The following SUGCT variants were observed in gnomAD, a reference collection of about 807,000 sequenced individuals.
The protein encoded by SUGCT is succinyl-CoA:glutarate CoA-transferase.
SUGCT carries 41 observed loss-of-function variants against 55.0 expected under a neutral mutation model. That is an observed-to-expected ratio of 0.74 (90% CI 0.58 to 0.97). The LOEUF is 0.97. Ranked by LOEUF, SUGCT falls within the 50% of genes least tolerant of loss-of-function variation. The probability of loss-of-function intolerance (pLI) is 0.00; values close to 1 mark genes in which losing one functional copy is unlikely to be tolerated. For synonymous variants in SUGCT, 187 were observed against 200.4 expected (o/e 0.93, Z 0.56); for missense variants, 568 against 547.8 (o/e 1.04, Z -0.37).
At chr7:40,646,503 A>G (rs1390796020) in intron 12 of SUGCT, among the ~76,000 whole-genome samples, 1 of 152,044 alleles carries the variant, frequency 6.6e-6, no homozygotes, top group African/African-American at 2.4e-5. Context: ...CTGTTTAGCT[A>G]ACTCATATCT....
intron 9 of SUGCT, among the ~76,000 whole-genome samples, chr7:40,317,903 T>G (rs1795525416): frequency 6.6e-6 from 1 of 152,342 alleles, no homozygotes; most frequent in South Asian, 2.1e-4. Context: ...TAGCACTGCT[T>G]TTCAACACAT....
At chr7:40,237,130 G>C (rs1315566905) in intron 6 of SUGCT, among the ~76,000 whole-genome samples, 1 of 150,788 alleles carries the variant, frequency 6.6e-6, no homozygotes, top group African/African-American at 2.4e-5. Flanking sequence ...ACCGCACCCG[G>C]CCTGAGTTTT....
At chr7:40,578,891 G>T (rs969389615) in intron 12 of SUGCT, among the ~76,000 whole-genome samples, 2 of 152,132 alleles carry the variant, frequency 1.3e-5, no homozygotes, top group African/African-American at 4.8e-5. Flanking sequence ...TTCCCAAATA[G>T]AATGTGAACT....
At chr7:40,480,542 T>G (rs1790971682) in intron 11 of SUGCT, among the ~76,000 whole-genome samples, 1 of 152,176 alleles carries the variant, frequency 6.6e-6, no homozygotes, top group Admixed American at 6.6e-5. Context: ...TTTTTCTATT[T>G]CTGTAAAGAA....
At chr7:40,944,253 T>G in the SUGCT span, among the ~76,000 whole-genome samples, 5 of 152,000 alleles carry the variant, frequency 3.3e-5, no homozygotes, top group Non-Finnish European at 7.4e-5. Flanking sequence ...TGATGGTAGT[T>G]TCTTTTGCTG....
chr7:40,763,342 T>G (rs576133773), intron 13 of SUGCT, among the ~76,000 whole-genome samples: 1 of 152,234 alleles, frequency 6.6e-6, no homozygotes, highest in East Asian at 1.9e-4. Context: ...GAGCCTCAGA[T>G]AAATTAAATA....
the SUGCT span, among the ~76,000 whole-genome samples, chr7:40,874,722 A>G: frequency 2.0e-5 from 3 of 152,120 alleles, no homozygotes; most frequent in African/African-American, 4.8e-5. Flanking sequence ...GAATCCTAAG[A>G]GTTGTATTGG....
At chr7:40,443,860 A>G (rs1045535911) in intron 9 of SUGCT, among the ~76,000 whole-genome samples, 8 of 152,132 alleles carry the variant, frequency 5.3e-5, no homozygotes, top group African/African-American at 1.9e-4. Flanking sequence ...TTTTAGGTCT[A>G]ACATTTAAGT....
chr7:40,272,109 A>G (rs1562633413), intron 7 of SUGCT, among the ~76,000 whole-genome samples: 3 of 124,264 alleles, frequency 2.4e-5, no homozygotes, highest in African/African-American at 1.0e-4. Flanking sequence ...ATATATATAT[A>G]TATGGATGTT....
chr7:40,910,361 TAA>T, the SUGCT span, among the ~76,000 whole-genome samples: 1 of 152,172 alleles, frequency 6.6e-6, no homozygotes, highest in Non-Finnish European at 1.5e-5. Flanking sequence ...GCAAGAATTA[TAA>T]ACTTAGGTTG....
At chr7:40,312,732 A>G (rs1795228362) in intron 8 of SUGCT, among the ~76,000 whole-genome samples, 2 of 152,180 alleles carry the variant, frequency 1.3e-5, no homozygotes, top group African/African-American at 4.8e-5. Context: ...AATGGAAAAG[A>G]TGATGTTGAA....
At chr7:40,685,684 TG>T (rs2151892113) in intron 12 of SUGCT, among the ~76,000 whole-genome samples, 1 of 152,300 alleles carries the variant, frequency 6.6e-6, no homozygotes, top group Non-Finnish European at 1.5e-5. Context: ...CTCAGTAATA[TG>T]TTTTAGTGTA....
rs1193893596 is a variant in SUGCT at position 40,459,114 on chromosome 7, C to T, written c.902C>T (p.Pro301Leu). 6.2e-7 allele frequency: 1 copy of T among 1,609,856 alleles called. No individual in the cohort carries two copies. The highest frequency in any genetic ancestry group is 8.5e-7 in the Non-Finnish European group (1 of 1,177,324). ...FATVCKILDLPELIDNSKYKT... is the reference protein window; with the variant it reads ...FATVCKILDLLELIDNSKYKT... Reference sequence around the variant, plus strand: ...TTTTTCTTTTAGATCTTGGATTTGCCTGAGTTGATTGATAATTCCAAGTAT... The same window carrying T: ...TTTTTCTTTTAGATCTTGGATTTGCTTGAGTTGATTGATAATTCCAAGTAT... Residue 301 changes from proline (P) to leucine (L), a missense_variant, in exon 11 of 14, where the codon CCT becomes CTT. Pro to Leu is a moderately conservative substitution (Grantham distance 98). Coordinates refer to ENST00000335693, the MANE Select transcript of SUGCT (RefSeq NM_001193313.2).
intron 12 of SUGCT, among the ~76,000 whole-genome samples, chr7:40,698,730 T>G (rs1030144032): frequency 6.6e-6 from 1 of 152,188 alleles, no homozygotes; most frequent in Non-Finnish European, 1.5e-5. Flanking sequence ...ACATAATTCG[T>G]GAGTTAAAAA....
chr7:40,274,749 A>C, intron 8 of SUGCT, 93 bp downstream of exon 8: 2 of 1,199,420 alleles, frequency 1.7e-6, no homozygotes, highest in South Asian at 2.7e-5. Flanking sequence ...ATGTACAAAA[A>C]CAATACAAAA....
At chr7:40,652,939 ACT>A (rs1376425082) in intron 12 of SUGCT, among the ~76,000 whole-genome samples, 5 of 151,914 alleles carry the variant, frequency 3.3e-5, no homozygotes, top group Non-Finnish European at 2.9e-5. Flanking sequence ...CTTTCCTCAC[ACT>A]CTGTTCTAAC....
At chr7:40,140,292 A>G (rs564832949) in intron 1 of SUGCT, among the ~76,000 whole-genome samples, 2 of 152,308 alleles carry the variant, frequency 1.3e-5, no homozygotes, top group Admixed American at 6.5e-5. Flanking sequence ...CTTTTACTGA[A>G]AAGGGTATCC....
chr7:40,277,316 G>A (rs140606676), intron 8 of SUGCT, among the ~76,000 whole-genome samples: 2,080 of 152,114 alleles, frequency 0.014, 37 homozygotes, highest in African/African-American at 0.048. Flanking sequence ...CGAGTAACTG[G>A]GACTACAGGC....
intron 12 of SUGCT, among the ~76,000 whole-genome samples, chr7:40,585,072 A>G (rs995240232): frequency 1.3e-5 from 2 of 152,228 alleles, no homozygotes; most frequent in African/African-American, 2.4e-5. Context: ...TGAAATTGGA[A>G]TGATCCCATC....
Sources: gnomAD v4.1 joint callset for allele counts (sites outside exome capture counted in the v4.1 genomes callset) on GRCh38, gnomAD v4.1.1 for gene constraint, MANE v1.5 for transcripts, NCBI Gene and HGNC (gene_info 2026-07-23, HGNC 2026-07-21) for gene names.